ILDR2: variants seen among roughly 807,000 people sequenced by gnomAD.
The protein encoded by ILDR2 is immunoglobulin like domain containing receptor 2, also known as immunoglobulin-like domain-containing receptor 2.
Under a neutral mutation model 66.8 loss-of-function variants are expected in ILDR2, and 25 were observed. The observed-to-expected ratio is 0.37, with a 90% CI of 0.27 to 0.52. The LOEUF is 0.52. Among genes scored for constraint, ILDR2 ranks in the 20% least tolerant of loss-of-function variants. The pLI, the probability that ILDR2 is intolerant of heterozygous loss-of-function variation, is 0.88. For synonymous variants in ILDR2, 367 were observed against 357.2 expected (o/e 1.03, Z -0.31); for missense variants, 827 against 876.8 (o/e 0.94, Z 0.72).
At chr1:166,922,423 T>C (rs1313884463) in intron 8 of ILDR2, among the ~76,000 whole-genome samples, 170 bp downstream of exon 8, 1 of 152,186 alleles carries the variant, frequency 6.6e-6, no homozygotes, top group South Asian at 2.1e-4. Flanking sequence ...GTGTTCCCTG[T>C]CTTGACAAAT....
chr1:166,938,219 T>C (rs77946799), intron 4 of ILDR2, among the ~76,000 whole-genome samples: 2,701 of 152,296 alleles, frequency 0.018, 84 homozygotes, highest in African/African-American at 0.061. Context: ...TAGCCTGAGA[T>C]AGATAGGAGC....
intron 2 of ILDR2, among the ~76,000 whole-genome samples, chr1:166,896,600 C>A (rs1013992685): frequency 6.9e-6 from 1 of 145,336 alleles, no homozygotes; most frequent in African/African-American, 2.5e-5. Flanking sequence ...AATTTTGGAT[C>A]AAATAAATTA....
At chr1:166,925,676 G>C (rs1660235125) in intron 7 of ILDR2, among the ~76,000 whole-genome samples, 1 of 152,104 alleles carries the variant, frequency 6.6e-6, no homozygotes, top group Admixed American at 6.5e-5. Flanking sequence ...GCATCCCTAG[G>C]CTTCTGTTTC....
At chr1:166,938,471 G>A (rs1163792130) in intron 4 of ILDR2, among the ~76,000 whole-genome samples, 2 of 152,154 alleles carry the variant, frequency 1.3e-5, no homozygotes, top group Admixed American at 1.3e-4. Flanking sequence ...TTTTTGTGAT[G>A]AACAAATGCT....
rs1659720254 is a variant in ILDR2 at position 166,918,363 on chromosome 1, G to A, written c.*992C>T. On this transcript the variant is annotated 3_prime_UTR_variant, in exon 10 of 10. Coordinates refer to ENST00000271417, the MANE Select transcript of ILDR2 (RefSeq NM_199351.3). ...ACTGAGTGAAGTTTGTGGGTGAAAT[G>A]GTCCACATTCAAAATATAATGAGAT... The A allele has an allele frequency of 6.6e-6, 1 of 152,132 alleles. No individual in the cohort carries two copies. Among genetic ancestry groups the A allele is most frequent in the South Asian group, 2.1e-4 (1 of 4,814 alleles). 9.4% of individuals were successfully genotyped at this position (152,132 alleles called of 1,614,324 possible). A position where few individuals can be genotyped will look rare whatever the true frequency, so the allele number is the denominator to read the frequency against.
chr1:166,952,691 C>A (rs1380222584), intron 3 of ILDR2, among the ~76,000 whole-genome samples: 2 of 152,088 alleles, frequency 1.3e-5, no homozygotes, highest in Non-Finnish European at 2.9e-5. Flanking sequence ...GGCAGTTTGA[C>A]TAAGAAATAA....
Position 166,936,731 on chromosome 1 carries a change from A to G in ILDR2, c.563T>C (p.Val188Ala). 10 of 1,613,766 alleles carry G rather than the reference A, an allele frequency of 6.2e-6. No homozygotes were observed. The highest frequency in any genetic ancestry group is 8.5e-6 in the Non-Finnish European group (10 of 1,179,936). The change falls in exon 5 of 10, where the codon GTG (valine) becomes GCG (alanine). Residue 188 changes from valine (V) to alanine (A), a missense_variant. Physicochemically the swap from Val to Ala is moderately conservative, Grantham distance 64. Transcript: ENST00000271417. The surrounding 1 kb of genome is among the most constrained non-coding windows in gnomAD (Gnocchi z 5.0). ...SFAVEIMPEW[V>A]FVGLVLLGVF... The stretch of plus-strand genomic sequence containing the variant: ...GCCCAGGAGCACCAGGCCAACAAAC[A>G]CCCACTCTGGAAGGATGCACAAAGA...
chr1:166,961,761 C>T (rs1282595387), intron 1 of ILDR2, among the ~76,000 whole-genome samples: 2 of 152,202 alleles, frequency 1.3e-5, no homozygotes, highest in Non-Finnish European at 2.9e-5. Context: ...AAGCTACAAA[C>T]CTAGAGCTAC....
rs919655271 is a variant in ILDR2 at position 166,975,042 on chromosome 1, A to T, written c.46+181T>A. Among the ~76,000 whole-genome samples the T allele has an allele frequency of 1.3e-4, 19 of 151,570 alleles. No individual in the cohort carries two copies. The East Asian group carries it at 1.6e-3, about 12-fold the overall frequency. On this transcript the variant is annotated intron_variant, in intron 1 of 9. Transcript: ENST00000271417. ...CATTCTCTCTCTCTCTCTCTCACAC[A>T]CACACACACAAACACATACACAAAC...
chr1:166,957,912 G>A lies in ILDR2; in HGVS notation c.236C>T (p.Ser79Phe). The A allele has an allele frequency of 5.6e-6, 9 of 1,614,224 alleles. No homozygotes were observed. Among genetic ancestry groups the A allele is most frequent in the Non-Finnish European group, 7.6e-6 (9 of 1,180,040 alleles). ...CCATTCCAGGTTTCTCTTGCTGAGA[G>A]ATTGGGCCCGGGTAGAGGACATGCC... is the stretch of plus-strand genomic sequence containing the variant. ...SLGMSSTRAQSLSKRNLEWDP... is the reference protein window; with the variant it reads ...SLGMSSTRAQFLSKRNLEWDP... The change falls in exon 2 of 10, where the codon TCT becomes TTT. Residue 79 changes from serine (S) to phenylalanine (F), a missense_variant. By Grantham distance (155) the Ser-to-Phe change is radical. Transcript: ENST00000271417.
Position 166,936,608 on chromosome 1 carries a change from C to G in ILDR2, c.686G>C (p.Cys229Ser). 6.2e-7 allele frequency: 1 copy of G among 1,614,086 alleles called. No individual in the cohort carries two copies. The highest frequency in any genetic ancestry group is 8.5e-7 in the Non-Finnish European group (1 of 1,179,988). Residue 229 changes from cysteine to serine, a missense_variant, in exon 5 of 10, where the codon TGC becomes TCC. Coordinates refer to ENST00000271417, the MANE Select transcript of ILDR2 (RefSeq NM_199351.3). The surrounding 1 kb of genome is among the most constrained non-coding windows in gnomAD (Gnocchi z 5.0). ...GTACTCACAGGCTTGAGGGCAGCAG[C>G]AGGAATCTGGGCAGCATGGGCAGCG... Reference protein sequence around the residue: ...YVRCPCCPDSCCCPQALYEAG... With the variant: ...YVRCPCCPDSSCCPQALYEAG...
At position 166,922,697 on chromosome 1, in the gene ILDR2, G is replaced by A; in HGVS notation, c.1107C>T (p.Ser369=). ...TGACACCTGACCAATAGTCAGGATTGCTCTCCAAGTCCCCAGACACAGGGA... is the reference window on the plus strand; with the variant it reads ...TGACACCTGACCAATAGTCAGGATTACTCTCCAAGTCCCCAGACACAGGGA... ...KQFPVSGDLE[S]NPDYWSGVMG... The change falls in exon 8 of 10, where the codon AGC becomes AGT. Residue 369 remains serine, a synonymous_variant. Coordinates refer to ENST00000271417, the MANE Select transcript of ILDR2 (RefSeq NM_199351.3). The A allele has an allele frequency of 6.2e-7, 1 of 1,614,182 alleles. No homozygotes were observed. Among genetic ancestry groups the A allele is most frequent in the Non-Finnish European group, 8.5e-7 (1 of 1,180,022 alleles).
At chr1:166,945,517 T>A (rs1661566009) in intron 3 of ILDR2, among the ~76,000 whole-genome samples, 2 of 152,242 alleles carry the variant, frequency 1.3e-5, no homozygotes. Flanking sequence ...CTAGGGTATT[T>A]TTGAGGAAGT....
intron 3 of ILDR2, among the ~76,000 whole-genome samples, chr1:166,949,841 A>G (rs2101953238): frequency 6.6e-6 from 1 of 152,316 alleles, no homozygotes; most frequent in East Asian, 1.9e-4. Context: ...AGCTCAGGGC[A>G]GAGCAGGCCA....
chr1:166,966,584 T>C (rs1662966119), intron 1 of ILDR2, among the ~76,000 whole-genome samples: 1 of 152,240 alleles, frequency 6.6e-6, no homozygotes. Flanking sequence ...ATTTTCTCTG[T>C]GTCCAAGTGT....
chr1:166,950,985 A>G (rs1253236570), intron 3 of ILDR2, among the ~76,000 whole-genome samples: 1 of 152,196 alleles, frequency 6.6e-6, no homozygotes, highest in African/African-American at 2.4e-5. Context: ...TTTGGACCAT[A>G]AAGAAGCACA....
intron 1 of ILDR2, among the ~76,000 whole-genome samples, chr1:166,962,965 A>G (rs887121127): frequency 2.6e-5 from 4 of 152,244 alleles, no homozygotes; most frequent in African/African-American, 7.2e-5. Context: ...CCTCATCTGC[A>G]TATTTAACAA....
intron 3 of ILDR2, among the ~76,000 whole-genome samples, chr1:166,952,482 A>T (rs574612904): frequency 6.6e-6 from 1 of 152,350 alleles, no homozygotes; most frequent in African/African-American, 2.4e-5. Flanking sequence ...TTAATGTTGA[A>T]TCAGTGGTTG....
intron 3 of ILDR2, among the ~76,000 whole-genome samples, chr1:166,955,511 G>A (rs560764261): frequency 2.0e-5 from 3 of 152,290 alleles, no homozygotes; most frequent in East Asian, 3.9e-4. Flanking sequence ...TTGGAGGCAC[G>A]AGAGTCACTT....
Sources: gnomAD v4.1 joint callset for allele counts (sites outside exome capture counted in the v4.1 genomes callset) on GRCh38, gnomAD v4.1.1 for gene constraint, Gnocchi (gnomAD v3.1) non-coding constraint, MANE v1.5 for transcripts, NCBI Gene and HGNC (gene_info 2026-07-23, HGNC 2026-07-21) for gene names.